The following STAMBPL1 variants were observed in gnomAD, a reference collection of about 807,000 sequenced individuals.
STAMBPL1 encodes STAM binding protein like 1.
In STAMBPL1, 44 loss-of-function variants were observed where a neutral mutation model predicts 52.9. The ratio of observed to expected loss-of-function variants is 0.83; its 90% CI spans 0.65 to 1.07. The LOEUF is 1.07. STAMBPL1 is among the 50% of genes least tolerant of loss of function. STAMBPL1 has a pLI of 0.00. For missense variants in STAMBPL1, 511 were observed against 520.8 expected (o/e 0.98, Z 0.18); for synonymous variants, 164 against 177.3 (o/e 0.92, Z 0.60).
intron 5 of STAMBPL1, among the ~76,000 whole-genome samples, chr10:88,912,047 G>A (rs1845238519): frequency 1.3e-5 from 2 of 152,160 alleles, no homozygotes; most frequent in African/African-American, 4.8e-5. Flanking sequence ...ATAGCCTACA[G>A]TGGTGACCCA....
At chr10:88,921,203 A>AC (rs1491566213) in intron 8 of STAMBPL1, 80 bp from the exon 9 acceptor site, 92 of 1,147,692 alleles carry the variant, frequency 8.0e-5, no homozygotes, top group Non-Finnish European at 1.0e-4. Flanking sequence ...CTAAAAAAAA[A>AC]CAGAGTTTTC....
At chr10:88,906,435 CT>C (rs1268071524) in intron 3 of STAMBPL1, among the ~76,000 whole-genome samples, 2 of 151,906 alleles carry the variant, frequency 1.3e-5, no homozygotes, top group African/African-American at 4.8e-5. Flanking sequence ...GATGAACCTT[CT>C]TTTTTTTAAT....
At chr10:88,919,802 C>T (rs1464580775) in intron 8 of STAMBPL1, among the ~76,000 whole-genome samples, 1 of 151,300 alleles carries the variant, frequency 6.6e-6, no homozygotes, top group African/African-American at 2.4e-5. Flanking sequence ...TCTGATTTTA[C>T]CTTCATTCTA....
At chr10:88,921,167 C>A in intron 8 of STAMBPL1, 116 bp from the exon 9 acceptor site, 1 of 730,008 alleles carries the variant, frequency 1.4e-6, no homozygotes, top group Non-Finnish European at 2.2e-6. Context: ...TTTTAAAAAT[C>A]CTTATTTGAT....
At chr10:88,896,112 A>G (rs1278575597) in intron 1 of STAMBPL1, among the ~76,000 whole-genome samples, 1 of 152,250 alleles carries the variant, frequency 6.6e-6, no homozygotes, top group Non-Finnish European at 1.5e-5. Context: ...AAAAAATCCA[A>G]TAAAAGCTAT....
intron 8 of STAMBPL1, among the ~76,000 whole-genome samples, chr10:88,918,150 A>G (rs1055261437): frequency 6.6e-6 from 1 of 152,152 alleles, no homozygotes; most frequent in Non-Finnish European, 1.5e-5. Context: ...AAGCCATCCC[A>G]CTGAGATGGG....
chr10:88,922,822 G>T (rs952797390), intron 10 of STAMBPL1, among the ~76,000 whole-genome samples: 7 of 151,980 alleles, frequency 4.6e-5, no homozygotes, highest in Non-Finnish European at 8.8e-5. Flanking sequence ...GCAATTGATG[G>T]AAACTATGAT....
chr10:88,921,364 A>G lies in STAMBPL1; in HGVS notation c.1123A>G (p.Ile375Val), dbSNP rs753859128. ...CTATCAACTCATGTTGCCAGAGGCC[A>G]TTGCCATTGTTTGCTCACCAAAGCA... ...CSYQLMLPEA[I>V]AIVCSPKHKD... Residue 375 changes from isoleucine (I) to valine (V), a missense_variant, in exon 9 of 11, where the codon ATT becomes GTT. Coordinates refer to ENST00000371926, the MANE Select transcript of STAMBPL1 (RefSeq NM_020799.4). The G allele has an allele frequency of 1.5e-5, 24 of 1,613,298 alleles. No homozygotes were observed. The highest frequency in any genetic ancestry group is 1.2e-4 in the Admixed American group (7 of 59,932).
chr10:88,923,207 G>A lies in STAMBPL1; in HGVS notation c.1294G>A (p.Val432Met), dbSNP rs1845559156. ...GTTGGTAAAAGACATAAAAATAATT[G>A]TGTTGGATCTGAGGTGATATGTTCT... The part of the protein sequence containing the change: ...HVLVKDIKII[V>M]LDLR The change falls in exon 11 of 11, where the codon GTG becomes ATG. Residue 432 changes from valine (V) to methionine (M), a missense_variant. Physicochemically the swap from Val to Met is conservative, Grantham distance 21. Transcript: ENST00000371926. The A allele has an allele frequency of 1.2e-6, 2 of 1,606,146 alleles. No individual in the cohort carries two copies. The highest frequency in any genetic ancestry group is 1.7e-6 in the Non-Finnish European group (2 of 1,178,196).
intron 1 of STAMBPL1, among the ~76,000 whole-genome samples, chr10:88,889,482 A>C (rs1181555363): frequency 6.6e-5 from 10 of 152,054 alleles, no homozygotes; most frequent in Non-Finnish European, 4.4e-5. Context: ...TCACTTGCCC[A>C]TTTTTACTCT....
At chr10:88,883,781 T>C (rs1417136790) in intron 1 of STAMBPL1, among the ~76,000 whole-genome samples, 1 of 152,240 alleles carries the variant, frequency 6.6e-6, no homozygotes, top group Non-Finnish European at 1.5e-5. Context: ...TTAAAAGAAG[T>C]CCCTTGATAT....
chr10:88,889,154 CTTTAT>C (rs1379041574), intron 1 of STAMBPL1, among the ~76,000 whole-genome samples: 3 of 152,096 alleles, frequency 2.0e-5, no homozygotes, highest in Non-Finnish European at 2.9e-5. Flanking sequence ...TATAGAGATT[CTTTAT>C]TTTAAGTATT....
chr10:88,908,646 G>A (rs1216425574), intron 3 of STAMBPL1, 56 bp from the exon 4 acceptor site: 4 of 1,392,666 alleles, frequency 2.9e-6, no homozygotes, highest in Non-Finnish European at 4.0e-6. Flanking sequence ...TTATTAGAAA[G>A]CATTATTGAA....
chr10:88,900,274 A>T (rs1844912720), intron 1 of STAMBPL1, among the ~76,000 whole-genome samples: 1 of 152,092 alleles, frequency 6.6e-6, no homozygotes, highest in African/African-American at 2.4e-5. Flanking sequence ...ATCCATCTTA[A>T]CCCCTTGTTT....
chr10:88,880,892 T>C (rs1159554854), intron 1 of STAMBPL1, among the ~76,000 whole-genome samples: 1 of 152,176 alleles, frequency 6.6e-6, no homozygotes. Flanking sequence ...TAGTTTCACC[T>C]TGATAGGGAG....
At chr10:88,900,570 A>G (rs1844920203) in intron 1 of STAMBPL1, among the ~76,000 whole-genome samples, 1 of 152,232 alleles carries the variant, frequency 6.6e-6, no homozygotes, top group African/African-American at 2.4e-5. Flanking sequence ...TTGATACTCT[A>G]AAGACTTTAT....
chr10:88,922,537 C>T, intron 10 of STAMBPL1, 101 bp downstream of exon 10: 1 of 1,042,354 alleles, frequency 9.6e-7, no homozygotes, highest in South Asian at 1.5e-5. Context: ...AGATAAAATA[C>T]TGTACTGCTT....
chr10:88,896,643 C>T (rs1380355310), intron 1 of STAMBPL1, among the ~76,000 whole-genome samples: 1 of 152,184 alleles, frequency 6.6e-6, no homozygotes, highest in Non-Finnish European at 1.5e-5. Context: ...ATCCAGGTCA[C>T]TAGGGCACTC....
chr10:88,910,945 A>G lies in STAMBPL1; in HGVS notation c.354A>G (p.Thr118=). The G allele has an allele frequency of 1.3e-6, 2 of 1,597,824 alleles. No individual in the cohort carries two copies. Among genetic ancestry groups the G allele is most frequent in the Non-Finnish European group, 1.7e-6 (2 of 1,174,822 alleles). ...KKLKEIAFPR[T]DELKNDLLKK... ...TGAAGGAGATTGCATTCCCAAGGAC[A>G]GATGAATTGAAAAACGACCTTTTAA... Residue 118 remains threonine (T), a synonymous_variant, in exon 5 of 11, where the codon ACA becomes ACG. Transcript: ENST00000371926.
Sources: gnomAD v4.1 joint callset for allele counts (sites outside exome capture counted in the v4.1 genomes callset) on GRCh38, gnomAD v4.1.1 for gene constraint, MANE v1.5 for transcripts, NCBI Gene and HGNC (gene_info 2026-07-23, HGNC 2026-07-21) for gene names.